The following TIPIN variants were observed in gnomAD, a reference collection of about 807,000 sequenced individuals.
The protein encoded by TIPIN is TIMELESS interacting protein.
A neutral mutation model predicts 35.6 loss-of-function variants in TIPIN; 29 were observed. The ratio of observed to expected loss-of-function variants is 0.82; its 90% CI spans 0.61 to 1.11. The LOEUF (loss-of-function observed/expected upper bound fraction) is 1.11, where lower values mean the gene tolerates loss of function less well. Ranked by LOEUF, TIPIN falls within the 50% of genes most tolerant of loss-of-function variation. The pLI is 0.00. For synonymous variants in TIPIN, 102 were observed against 121.5 expected (o/e 0.84, Z 1.06); for missense variants, 296 against 345.4 (o/e 0.86, Z 1.13).
At chr15:66,383,984 TTTTA>T (rs1410687987) in intron 1 of TIPIN, among the ~76,000 whole-genome samples, 1 of 152,008 alleles carries the variant, frequency 6.6e-6, no homozygotes, top group African/African-American at 2.4e-5. Flanking sequence ...TAAAATTTAT[TTTTA>T]TTTATTTAAT....
At chr15:66,375,426 C>T (rs1005516587) in intron 1 of TIPIN, among the ~76,000 whole-genome samples, 8 of 150,862 alleles carry the variant, frequency 5.3e-5, no homozygotes, top group East Asian at 2.0e-4. Context: ...CTGCCCACCT[C>T]GGCCTCCCAA....
intron 1 of TIPIN, chr15:66,386,522 G>A (rs2093339494): frequency 6.5e-6 from 1 of 153,572 alleles, no homozygotes; most frequent in South Asian, 2.1e-4. Flanking sequence ...ACACAGGAAG[G>A]GGTCCTTTTC....
chr15:66,345,042 A>G (rs2093114750), intron 6 of TIPIN, among the ~76,000 whole-genome samples: 1 of 152,296 alleles, frequency 6.6e-6, no homozygotes, highest in Admixed American at 6.5e-5. Flanking sequence ...TAAGTAAACT[A>G]TATAAAAATT....
At chr15:66,339,401 G>C (rs1404736424) in intron 7 of TIPIN, among the ~76,000 whole-genome samples, 2 of 151,838 alleles carry the variant, frequency 1.3e-5, no homozygotes, top group Non-Finnish European at 2.9e-5. Flanking sequence ...AAGAGACACT[G>C]TGCTGGGCCT....
At chr15:66,351,631 GT>G (rs757524674) in intron 3 of TIPIN, 31 bp from the exon 4 acceptor site, 2 of 1,321,514 alleles carry the variant, frequency 1.5e-6, no homozygotes, top group South Asian at 1.3e-5. Flanking sequence ...TTAATTTCAA[GT>G]TTTATTTTCT....
upstream of TIPIN, among the ~76,000 whole-genome samples, chr15:66,356,958 T>A (rs1322402477): frequency 6.6e-6 from 1 of 151,942 alleles, no homozygotes; most frequent in Non-Finnish European, 1.5e-5. Context: ...GCTCTATCAC[T>A]CAGGCTGGAG....
chr15:66,351,914 T>C (rs1595798191), intron 3 of TIPIN, among the ~76,000 whole-genome samples: 1 of 146,330 alleles, frequency 6.8e-6, no homozygotes, highest in East Asian at 2.0e-4. Flanking sequence ...GCTGGGATTA[T>C]AGGCGTGAGC....
chr15:66,370,856 T>A (rs966695742), intron 1 of TIPIN, among the ~76,000 whole-genome samples: 7 of 152,176 alleles, frequency 4.6e-5, no homozygotes, highest in African/African-American at 1.7e-4. Context: ...ACTGTTCAAC[T>A]GATAATATCA....
chr15:66,378,151 T>C (rs1246990696), intron 1 of TIPIN, among the ~76,000 whole-genome samples: 1 of 152,200 alleles, frequency 6.6e-6, no homozygotes, highest in African/African-American at 2.4e-5. Context: ...TACAGGTGTA[T>C]GCAACCATGT....
intron 7 of TIPIN, among the ~76,000 whole-genome samples, chr15:66,337,887 A>C (rs2140435569): frequency 6.6e-6 from 1 of 151,670 alleles, no homozygotes; most frequent in Non-Finnish European, 1.5e-5. Flanking sequence ...AACAAAAAAA[A>C]AGCAAAATGG....
intron 7 of TIPIN, among the ~76,000 whole-genome samples, chr15:66,338,084 T>A (rs967325029): frequency 1.3e-5 from 2 of 152,024 alleles, no homozygotes; most frequent in African/African-American, 2.4e-5. Context: ...GGTGAAACCC[T>A]GCCTCTACAA....
At chr15:66,381,214 T>G (rs2093317295) in intron 1 of TIPIN, among the ~76,000 whole-genome samples, 1 of 152,150 alleles carries the variant, frequency 6.6e-6, no homozygotes, top group Admixed American at 6.6e-5. Context: ...GGTGGGTGGA[T>G]CACCTGAGGT....
chr15:66,343,764 C>T (rs535268048), intron 6 of TIPIN, among the ~76,000 whole-genome samples: 2 of 152,196 alleles, frequency 1.3e-5, no homozygotes, highest in Non-Finnish European at 2.9e-5. Context: ...TTTTGGGGGC[C>T]GAGGCAGGCA....
chr15:66,365,964 A>G (rs1319952610), intron 1 of TIPIN, among the ~76,000 whole-genome samples: 1 of 152,142 alleles, frequency 6.6e-6, no homozygotes, highest in Non-Finnish European at 1.5e-5. Flanking sequence ...TGGGGTCTAA[A>G]TTAAGACTAT....
chr15:66,359,368 CAG>C (rs1307273823), upstream of TIPIN, among the ~76,000 whole-genome samples: 1 of 151,742 alleles, frequency 6.6e-6, no homozygotes, highest in African/African-American at 2.4e-5. Context: ...GTTTTTGAGA[CAG>C]ATTCTTATTC....
chr15:66,363,353 C>T (rs367956299), intron 1 of TIPIN, among the ~76,000 whole-genome samples: 7 of 150,478 alleles, frequency 4.7e-5, no homozygotes, highest in Admixed American at 2.0e-4. Context: ...ACTAAAAATA[C>T]AAAAATTAGG....
chr15:66,374,640 T>A (rs1440293860), intron 1 of TIPIN, among the ~76,000 whole-genome samples: 2 of 152,088 alleles, frequency 1.3e-5, no homozygotes, highest in Non-Finnish European at 2.9e-5. Flanking sequence ...AGTGCAATGG[T>A]GCCGTCTCGG....
intron 4 of TIPIN, among the ~76,000 whole-genome samples, chr15:66,350,064 C>G (rs569871358): frequency 2.6e-5 from 4 of 151,880 alleles, no homozygotes; most frequent in African/African-American, 9.7e-5. Flanking sequence ...CGGGTTTAAG[C>G]AATTCTCATG....
chr15:66,357,106 G>GT (rs1204077483), upstream of TIPIN, among the ~76,000 whole-genome samples: 1 of 151,900 alleles, frequency 6.6e-6, no homozygotes, highest in Non-Finnish European at 1.5e-5. Context: ...TTGTTTGTTT[G>GT]TTTTGCAAAG....
Sources: gnomAD v4.1 joint callset for allele counts (sites outside exome capture counted in the v4.1 genomes callset) on GRCh38, gnomAD v4.1.1 for gene constraint, MANE v1.5 for transcripts, NCBI Gene and HGNC (gene_info 2026-07-23, HGNC 2026-07-21) for gene names.